Variants in ERG observed in about 807,000 individuals in gnomAD.
ERG encodes ETS transcription factor ERG.
ERG carries 9 observed loss-of-function variants against 55.3 expected under a neutral mutation model. The ratio of observed to expected loss-of-function variants is 0.16; its 90% confidence interval spans 0.10 to 0.28. The LOEUF is 0.28. ERG is among the 10% of genes least tolerant of loss of function. The pLI, the probability that ERG is intolerant of heterozygous loss-of-function variation, is 1.00. For synonymous variants in ERG, 223 were observed against 237.3 expected (o/e 0.94, Z 0.55); for missense variants, 434 against 631.6 (o/e 0.69, Z 3.35).
At chr21:38,656,938 T>A (rs980938390) in intron 1 of ERG, among the ~76,000 whole-genome samples, 1 of 152,196 alleles carries the variant, frequency 6.6e-6, no homozygotes, top group African/African-American at 2.4e-5. Context: ...AATAATGTTA[T>A]CCTTAAAAGG....
intron 2 of ERG, among the ~76,000 whole-genome samples, chr21:38,428,873 C>G (rs1989969537): frequency 1.3e-5 from 2 of 152,066 alleles, no homozygotes. Context: ...TGAGGACAAA[C>G]AAAAATCATT....
chr21:38,444,093 T>C (rs925632135), intron 2 of ERG, among the ~76,000 whole-genome samples: 3 of 152,210 alleles, frequency 2.0e-5, no homozygotes, highest in African/African-American at 7.2e-5. Flanking sequence ...ACTTGGCACC[T>C]TCATTAACAC....
At chr21:38,640,869 C>A (rs1206035829) in intron 1 of ERG, among the ~76,000 whole-genome samples, 1 of 152,160 alleles carries the variant, frequency 6.6e-6, no homozygotes, top group African/African-American at 2.4e-5. Flanking sequence ...GGAAAGGGGG[C>A]TCTCTGGGAA....
intron 9 of ERG, among the ~76,000 whole-genome samples, chr21:38,389,943 T>C (rs1489477452): frequency 6.6e-6 from 1 of 152,240 alleles, no homozygotes; most frequent in Non-Finnish European, 1.5e-5. Flanking sequence ...TTTCAATGTG[T>C]AGATTCTCTT....
Position 38,475,571 on chromosome 21 carries a change from A to T in ERG, c.18+22792T>A, listed in dbSNP as rs150789055. On this transcript the variant is annotated intron_variant, in intron 1 of 9. Coordinates refer to ENST00000288319, the MANE Select transcript of ERG (RefSeq NM_182918.4). ...CTTTGCCATTCCCCTGGTCCGCATCACTCCTCCGAGGCATTTGCAAACCTT... is the reference window on the plus strand; with the variant it reads ...CTTTGCCATTCCCCTGGTCCGCATCTCTCCTCCGAGGCATTTGCAAACCTT... 1.0e-3 allele frequency among the ~76,000 whole-genome samples: 154 copies of T among 151,750 alleles called. 4 individuals carry two copies. The East Asian group carries it at 0.027, about 26-fold the overall frequency.
At chr21:38,378,473 T>A (rs1180718643), downstream of ERG, among the ~76,000 whole-genome samples, 1 of 152,220 alleles carries the variant, frequency 6.6e-6, no homozygotes, top group Non-Finnish European at 1.5e-5. Context: ...CCTTTCTGGA[T>A]GTTCATTCAT....
At chr21:38,418,270 A>AGTGTGTGTGTGTGTGTGTGTGT (rs71184622) in intron 3 of ERG, among the ~76,000 whole-genome samples, 4 of 130,336 alleles carry the variant, frequency 3.1e-5, no homozygotes, top group Non-Finnish European at 5.2e-5. Context: ...AACATTTGGA[A>AGTGTGTGTGTGTGTGTGTGTGT]GTGTGTGTGT....
At chr21:38,375,957 T>G (rs969504621), downstream of ERG, among the ~76,000 whole-genome samples, 6 of 152,222 alleles carry the variant, frequency 3.9e-5, no homozygotes, top group African/African-American at 1.4e-4. Flanking sequence ...TCTTCCTGCC[T>G]TAATTAACTT....
chr21:38,409,738 G>A (rs2226373), intron 3 of ERG, among the ~76,000 whole-genome samples: 132,095 of 152,192 alleles, frequency 0.87, 57,872 homozygotes, highest in Non-Finnish European at 0.94. Context: ...TGGCTGCAGT[G>A]GAGGATTTCA....
intron 1 of ERG, among the ~76,000 whole-genome samples, chr21:38,581,126 C>T (rs2060025963): frequency 6.6e-6 from 1 of 152,168 alleles, no homozygotes; most frequent in South Asian, 2.1e-4. Context: ...TGGAAAGGCA[C>T]TCTGGGTGCC....
intron 1 of ERG, among the ~76,000 whole-genome samples, chr21:38,626,908 C>T (rs961425699): frequency 6.6e-6 from 1 of 152,022 alleles, no homozygotes; most frequent in African/African-American, 2.4e-5. Flanking sequence ...ATTCATTTTA[C>T]TTGAAAGTAT....
intron 3 of ERG, among the ~76,000 whole-genome samples, chr21:38,405,534 T>G (rs541296631): frequency 6.6e-6 from 1 of 152,082 alleles, no homozygotes; most frequent in African/African-American, 2.4e-5. Flanking sequence ...CAGTTGGGCA[T>G]CACAGTTGAT....
intron 1 of ERG, among the ~76,000 whole-genome samples, chr21:38,478,246 T>C (rs1347049318): frequency 6.6e-6 from 1 of 152,264 alleles, no homozygotes; most frequent in Non-Finnish European, 1.5e-5. Context: ...GGTCTTGTTT[T>C]CATGGTTTGC....
At chr21:38,520,809 C>T (rs1052965143) in intron 2 of ERG, among the ~76,000 whole-genome samples, 17 of 151,948 alleles carry the variant, frequency 1.1e-4, no homozygotes, top group Non-Finnish European at 2.1e-4. Flanking sequence ...TTAACAACTG[C>T]GAAAATAGTG....
At chr21:38,651,512 AT>A (rs2060488708) in intron 1 of ERG, among the ~76,000 whole-genome samples, 1 of 152,240 alleles carries the variant, frequency 6.6e-6, no homozygotes, top group Admixed American at 6.5e-5. Context: ...TAGAAAAAAA[AT>A]AAAGTCAAAT....
intron 3 of ERG, among the ~76,000 whole-genome samples, chr21:38,404,169 A>G (rs983904671): frequency 2.0e-5 from 3 of 152,192 alleles, no homozygotes; most frequent in Non-Finnish European, 1.5e-5. Context: ...AACAACAACA[A>G]AAATAATAAT....
chr21:38,408,066 C>T (rs1372451805), intron 3 of ERG, among the ~76,000 whole-genome samples: 1 of 152,048 alleles, frequency 6.6e-6, no homozygotes, highest in Non-Finnish European at 1.5e-5. Flanking sequence ...AGTCAGAACA[C>T]TCCCACATCC....
At chr21:38,518,021 TA>T (rs1367691951) in intron 2 of ERG, among the ~76,000 whole-genome samples, 1 of 152,094 alleles carries the variant, frequency 6.6e-6, no homozygotes, top group Non-Finnish European at 1.5e-5. Flanking sequence ...ATAGAAGGAA[TA>T]AGTTCTGATG....
chr21:38,445,254 G>A, intron 2 of ERG, 150 bp downstream of exon 2: 1 of 632,744 alleles, frequency 1.6e-6, no homozygotes, highest in Non-Finnish European at 2.8e-6. Context: ...TGATTCTCCT[G>A]CCTCAGGCTC....
Sources: gnomAD v4.1 joint callset for allele counts (sites outside exome capture counted in the v4.1 genomes callset) on GRCh38, gnomAD v4.1.1 for gene constraint, MANE v1.5 for transcripts, NCBI Gene and HGNC (gene_info 2026-07-23, HGNC 2026-07-21) for gene names.